The following SPIDR variants were observed in gnomAD, a reference collection of about 807,000 sequenced individuals.
The protein encoded by SPIDR is DNA repair-scaffolding protein.
In SPIDR, 93 loss-of-function variants were observed where a neutral mutation model predicts 104.6. That is an observed-to-expected ratio of 0.89 (90% CI 0.75 to 1.06). The LOEUF (loss-of-function observed/expected upper bound fraction) is 1.06, where lower values mean the gene tolerates loss of function less well. Among genes scored for constraint, SPIDR ranks in the 50% least tolerant of loss-of-function variants. The probability of loss-of-function intolerance (pLI) is 0.00; values close to 1 mark genes in which losing one functional copy is unlikely to be tolerated. For missense variants in SPIDR, 1,154 were observed against 1,111.2 expected (o/e 1.04, Z -0.55); for synonymous variants, 431 against 416.9 (o/e 1.03, Z -0.41).
rs1390270060 is a variant in SPIDR, at chr8:47,592,592, C to T, written c.1098-3219C>T. The T allele has an allele frequency of 1.1e-5, 14 of 1,234,234 alleles. No homozygotes were observed. The East Asian group carries it at 1.2e-4, about 10-fold the overall frequency. The allele number at this position is 1,234,234 out of a possible 1,614,324, so 76.5% of individuals were successfully genotyped here. A position where few individuals can be genotyped will look rare whatever the true frequency, so the allele number is the denominator to read the frequency against. Reference sequence around the variant, plus strand: ...ACCCTGGGTTTCCTTGATGATCCTGCGGGGCAGCCCTGCCATCTTATCAGA... The same window carrying T: ...ACCCTGGGTTTCCTTGATGATCCTGTGGGGCAGCCCTGCCATCTTATCAGA... On this transcript the variant is annotated intron_variant, in intron 8 of 19. Coordinates refer to ENST00000297423, the MANE Select transcript of SPIDR (RefSeq NM_001080394.4).
chr8:47,661,034 C>T (rs921742874), intron 10 of SPIDR: 66 of 922,528 alleles, frequency 7.2e-5, no homozygotes, highest in Non-Finnish European at 7.6e-5. Flanking sequence ...CGTGTCCATT[C>T]GTGTCATGTG....
chr8:47,638,253 C>T (rs2068271835), intron 10 of SPIDR, among the ~76,000 whole-genome samples: 1 of 151,948 alleles, frequency 6.6e-6, no homozygotes, highest in African/African-American at 2.4e-5. Context: ...TCCTTTTTTT[C>T]AAGAATGGTA....
At chr8:47,304,509 A>G (rs1260428868) in intron 5 of SPIDR, among the ~76,000 whole-genome samples, 9 of 152,170 alleles carry the variant, frequency 5.9e-5, no homozygotes, top group Admixed American at 5.9e-4. Flanking sequence ...TCTATTAAAA[A>G]AAATTAAAAT....
chr8:47,597,780 T>A (rs760420974), intron 9 of SPIDR, among the ~76,000 whole-genome samples: 100 of 152,184 alleles, frequency 6.6e-4, no homozygotes, highest in Non-Finnish European at 1.2e-3. Flanking sequence ...TGTGCCAAGA[T>A]GAATTTAGGG....
intron 7 of SPIDR, among the ~76,000 whole-genome samples, chr8:47,438,271 G>A (rs2068735328): frequency 6.6e-6 from 1 of 152,180 alleles, no homozygotes; most frequent in Admixed American, 6.5e-5. Context: ...GGAGGTTTCA[G>A]GCCTGTGCAT....
intron 8 of SPIDR, among the ~76,000 whole-genome samples, chr8:47,559,374 T>C (rs979817072): frequency 1.6e-4 from 24 of 152,224 alleles, no homozygotes; most frequent in Non-Finnish European, 2.8e-4. Context: ...ACTGTCTTCC[T>C]TACATATGTG....
intron 14 of SPIDR, among the ~76,000 whole-genome samples, chr8:47,707,866 T>C (rs1436766048): frequency 6.6e-6 from 1 of 152,238 alleles, no homozygotes; most frequent in African/African-American, 2.4e-5. Flanking sequence ...CCTTCCTCCA[T>C]TAAATTGCTG....
At chr8:47,271,455 T>C (rs1254063785) in intron 1 of SPIDR, among the ~76,000 whole-genome samples, 5 of 152,150 alleles carry the variant, frequency 3.3e-5, no homozygotes, top group African/African-American at 1.2e-4. Flanking sequence ...TGATTTAAAG[T>C]TTGTGAATTC....
At chr8:47,361,924 C>T (rs1044298435) in intron 5 of SPIDR, among the ~76,000 whole-genome samples, 7 of 152,218 alleles carry the variant, frequency 4.6e-5, no homozygotes, top group Admixed American at 6.5e-5. Context: ...CATGTGCTCC[C>T]AGACTGCCTT....
chr8:47,735,322 A>G lies in SPIDR; in HGVS notation c.2620A>G (p.Ser874Gly). The stretch of plus-strand genomic sequence containing the variant: ...ATCACTGCAGAGCTACGAAGTGAAG[A>G]GTGTCCTCGGAAAGGAAGTGGGGTT... ...AGEDGSYEVK[S>G]VLGKEVGLLN... The change falls in exon 20 of 20, where the codon AGT becomes GGT. Residue 874 changes from serine (S) to glycine (G), a missense_variant. Transcript: ENST00000297423. 6.2e-7 allele frequency: 1 copy of G among 1,613,874 alleles called. No homozygotes were observed. Among genetic ancestry groups the G allele is most frequent in the African/African-American group, 1.3e-5 (1 of 74,996 alleles).
chr8:47,353,706 AGAT>A (rs1563718014), intron 5 of SPIDR, among the ~76,000 whole-genome samples: 4 of 93,860 alleles, frequency 4.3e-5, no homozygotes, highest in Non-Finnish European at 8.9e-5. Flanking sequence ...ATCTATACTG[AGAT>A]TTTTTTTTTT....
chr8:47,488,800 A>T (rs547016017), intron 8 of SPIDR, among the ~76,000 whole-genome samples: 10 of 152,342 alleles, frequency 6.6e-5, no homozygotes, highest in African/African-American at 2.4e-4. Context: ...AAAATTCAAC[A>T]GCCCTTCATG....
intron 16 of SPIDR, 107 bp from the exon 17 acceptor site, chr8:47,727,093 G>A (rs2084357881): frequency 3.5e-6 from 3 of 856,266 alleles, no homozygotes; most frequent in Admixed American, 2.4e-5. Flanking sequence ...TCCCAAGTAA[G>A]GCAAAAATCA....
chr8:47,296,120 G>T (rs1185673827), intron 5 of SPIDR, among the ~76,000 whole-genome samples: 2 of 152,034 alleles, frequency 1.3e-5, no homozygotes, highest in Non-Finnish European at 2.9e-5. Context: ...TTTTTAAATT[G>T]GGTTCTTTGT....
intron 5 of SPIDR, among the ~76,000 whole-genome samples, chr8:47,308,469 C>T (rs1554582834): frequency 6.6e-6 from 1 of 150,792 alleles, no homozygotes; most frequent in African/African-American, 2.4e-5. Flanking sequence ...TTAAGATTCT[C>T]TGAGTCTTTT....
intron 16 of SPIDR, among the ~76,000 whole-genome samples, chr8:47,721,307 C>A (rs1378580042): frequency 6.6e-6 from 1 of 151,860 alleles, no homozygotes; most frequent in Non-Finnish European, 1.5e-5. Context: ...CATTTTTTTG[C>A]CTGTGGAAAT....
intron 8 of SPIDR, among the ~76,000 whole-genome samples, chr8:47,455,502 A>G (rs2072786450): frequency 6.6e-6 from 1 of 152,174 alleles, no homozygotes; most frequent in South Asian, 2.1e-4. Context: ...TGTATAAGGC[A>G]TAAGGAAAAA....
At chr8:47,590,239 G>A (rs370587983) in intron 8 of SPIDR, among the ~76,000 whole-genome samples, 3 of 150,996 alleles carry the variant, frequency 2.0e-5, no homozygotes, top group African/African-American at 4.9e-5. Context: ...CTTTTTTCTA[G>A]GTTTTTGAGG....
intron 5 of SPIDR, among the ~76,000 whole-genome samples, chr8:47,305,783 C>T (rs969345777): frequency 6.6e-6 from 1 of 152,132 alleles, no homozygotes; most frequent in African/African-American, 2.4e-5. Flanking sequence ...CCATTGTTTT[C>T]ATCTTTTTTC....
Sources: gnomAD v4.1 joint callset for allele counts (sites outside exome capture counted in the v4.1 genomes callset) on GRCh38, gnomAD v4.1.1 for gene constraint, MANE v1.5 for transcripts, NCBI Gene and HGNC (gene_info 2026-07-23, HGNC 2026-07-21) for gene names.